Variants in DLGAP1 observed in about 807,000 individuals in gnomAD.
DLGAP1 encodes the protein disks large-associated protein 1.
A neutral mutation model predicts 90.8 loss-of-function variants in DLGAP1; 11 were observed. That is an observed-to-expected ratio of 0.12 (90% confidence interval 0.08 to 0.20). DLGAP1 has a LOEUF of 0.20. Among genes scored for constraint, DLGAP1 ranks in the 10% least tolerant of loss-of-function variants. The probability of loss-of-function intolerance (pLI) is 1.00; values close to 1 mark genes in which losing one functional copy is unlikely to be tolerated. For synonymous variants in DLGAP1, 558 were observed against 540.7 expected, an observed-to-expected ratio of 1.03 and a Z score of -0.44; for missense variants, 1,050 against 1,333.8, an observed-to-expected ratio of 0.79 and a Z score of 3.31.
chr18:3,534,035 T>C (rs376359274), intron 10 of DLGAP1, among the ~76,000 whole-genome samples, 159 bp downstream of exon 10: 4 of 152,272 alleles, frequency 2.6e-5, no homozygotes, highest in African/African-American at 9.6e-5. Flanking sequence ...ACTTCTGGAC[T>C]CAGCTGGAAT....
intron 3 of DLGAP1, among the ~76,000 whole-genome samples, chr18:3,977,432 G>GT (rs1467413382): frequency 1.9e-4 from 10 of 52,764 alleles, no homozygotes; most frequent in East Asian, 7.1e-4. Context: ...TGTTTATTCT[G>GT]TGTTTTTTTT....
intron 7 of DLGAP1, among the ~76,000 whole-genome samples, chr18:3,583,685 C>T (rs533700582): frequency 1.3e-5 from 2 of 152,174 alleles, no homozygotes; most frequent in South Asian, 2.1e-4. Context: ...TGGTGGCTCT[C>T]GCCTGTAATC....
At chr18:3,747,489 T>C (rs1194331863) in intron 5 of DLGAP1, among the ~76,000 whole-genome samples, 1 of 152,216 alleles carries the variant, frequency 6.6e-6, no homozygotes, top group African/African-American at 2.4e-5. Flanking sequence ...AGATGACAAA[T>C]GTGTTTCTTT....
intron 5 of DLGAP1, among the ~76,000 whole-genome samples, chr18:3,795,609 T>C (rs1366284727): frequency 2.6e-5 from 4 of 152,256 alleles, no homozygotes; most frequent in East Asian, 3.9e-4. Context: ...TCACCGCGCC[T>C]GGCCTGTTTT....
chr18:3,559,586 T>C (rs1308344493), intron 9 of DLGAP1, among the ~76,000 whole-genome samples: 1 of 151,796 alleles, frequency 6.6e-6, no homozygotes, highest in Non-Finnish European at 1.5e-5. Flanking sequence ...CCTAGAGCCC[T>C]AGAGTTTGCA....
intron 9 of DLGAP1, among the ~76,000 whole-genome samples, chr18:3,540,992 T>A (rs1333474334): frequency 6.6e-6 from 1 of 152,110 alleles, no homozygotes; most frequent in Non-Finnish European, 1.5e-5. Context: ...GGAACCCTGG[T>A]TAGGAGTCTC....
intron 2 of DLGAP1, among the ~76,000 whole-genome samples, chr18:4,020,140 A>C (rs1216955710): frequency 6.6e-6 from 1 of 152,076 alleles, no homozygotes; most frequent in East Asian, 1.9e-4. Flanking sequence ...CTTCAGAGAG[A>C]ATAGACTGTA....
At chr18:4,435,490 A>AG (rs1213523514) in intron 1 of DLGAP1, among the ~76,000 whole-genome samples, 2 of 152,170 alleles carry the variant, frequency 1.3e-5, no homozygotes, top group Admixed American at 6.6e-5. Flanking sequence ...ACAATATAGA[A>AG]GGGGGAAGAG....
chr18:3,976,601 G>C (rs1167627907), intron 3 of DLGAP1, among the ~76,000 whole-genome samples: 1 of 152,110 alleles, frequency 6.6e-6, no homozygotes, highest in East Asian at 1.9e-4. Context: ...CCTATGTCAA[G>C]AGAAAATTAC....
chr18:4,011,909 T>C (rs895600328), intron 2 of DLGAP1, among the ~76,000 whole-genome samples: 1 of 152,088 alleles, frequency 6.6e-6, no homozygotes, highest in Admixed American at 6.5e-5. Flanking sequence ...ATAACAGCCA[T>C]GAGCATAAGC....
chr18:3,647,927 C>T (rs1353325670), intron 7 of DLGAP1, among the ~76,000 whole-genome samples: 4 of 152,160 alleles, frequency 2.6e-5, no homozygotes, highest in African/African-American at 9.7e-5. Context: ...CTGTTCTATA[C>T]TTTCTTCCAA....
At chr18:4,386,692 T>TC (rs1359934738) in intron 1 of DLGAP1, among the ~76,000 whole-genome samples, 2 of 152,110 alleles carry the variant, frequency 1.3e-5, no homozygotes, top group Non-Finnish European at 2.9e-5. Context: ...GCAGAGTATT[T>TC]AAAAGGAAAT....
At chr18:3,939,657 AT>A (rs1170897389) in intron 3 of DLGAP1, among the ~76,000 whole-genome samples, 2 of 152,170 alleles carry the variant, frequency 1.3e-5, no homozygotes, top group Non-Finnish European at 2.9e-5. Flanking sequence ...GATAAATTTC[AT>A]GCTCTTTTGA....
intron 7 of DLGAP1, among the ~76,000 whole-genome samples, chr18:3,586,632 C>A (rs2055904340): frequency 6.6e-6 from 1 of 151,984 alleles, no homozygotes; most frequent in African/African-American, 2.4e-5. Context: ...CTTAAGATTG[C>A]CATTTGAAGG....
chr18:3,764,975 G>T (rs1373985092), intron 5 of DLGAP1, among the ~76,000 whole-genome samples: 2 of 152,104 alleles, frequency 1.3e-5, no homozygotes, highest in Non-Finnish European at 2.9e-5. Context: ...CTCAGTGGGT[G>T]CCAGAGGTGT....
At chr18:3,598,683 G>A (rs2056732994) in intron 7 of DLGAP1, among the ~76,000 whole-genome samples, 2 of 152,116 alleles carry the variant, frequency 1.3e-5, no homozygotes, top group South Asian at 4.1e-4. Context: ...AGCCAGGCTG[G>A]TCTTGAACTC....
chr18:3,619,830 A>T (rs1178336426), intron 7 of DLGAP1, among the ~76,000 whole-genome samples: 1 of 130,490 alleles, frequency 7.7e-6, no homozygotes, highest in Non-Finnish European at 1.5e-5. Context: ...TTTTGAGATG[A>T]GGTCTTGCTA....
chr18:4,078,762 A>G (rs1168623316), intron 2 of DLGAP1, among the ~76,000 whole-genome samples: 1 of 152,162 alleles, frequency 6.6e-6, no homozygotes, highest in East Asian at 1.9e-4. Context: ...CAAGGGAGGA[A>G]GACGGGAGGT....
At chr18:4,057,024 C>T (rs2075229082) in intron 2 of DLGAP1, among the ~76,000 whole-genome samples, 1 of 147,428 alleles carries the variant, frequency 6.8e-6, no homozygotes, top group Non-Finnish European at 1.5e-5. Flanking sequence ...CACACACACA[C>T]ACACACACAC....
Sources: allele counts gnomAD v4.1 joint callset (sites outside exome capture counted in the v4.1 genomes callset), GRCh38; gene constraint gnomAD v4.1.1; transcripts MANE v1.5; gene names NCBI Gene and HGNC (gene_info 2026-07-23, HGNC 2026-07-21).